DLGAP2: variants seen among roughly 807,000 people sequenced by gnomAD.
DLGAP2 encodes the protein disks large-associated protein 2.
DLGAP2 carries 26 observed loss-of-function variants against 100.3 expected under a neutral mutation model. That is an observed-to-expected ratio of 0.26 (90% confidence interval 0.19 to 0.36). DLGAP2 has a LOEUF of 0.36. DLGAP2 is among the 10% of genes least tolerant of loss of function. The pLI, the probability that DLGAP2 is intolerant of heterozygous loss-of-function variation, is 1.00. For synonymous variants in DLGAP2, 886 were observed against 630.1 expected (o/e 1.41, Z -6.08); for missense variants, 1,858 against 1,453.2 (o/e 1.28, Z -4.53).
At chr8:1,183,583 G>A (rs960201769) in intron 2 of DLGAP2, among the ~76,000 whole-genome samples, 2 of 152,176 alleles carry the variant, frequency 1.3e-5, no homozygotes, top group Non-Finnish European at 2.9e-5. Context: ...TGTTGCACAT[G>A]CTGCCCGGGG....
intron 1 of DLGAP2, among the ~76,000 whole-genome samples, chr8:875,533 G>C (rs987531620): frequency 6.6e-6 from 1 of 152,160 alleles, no homozygotes; most frequent in African/African-American, 2.4e-5. Context: ...ATGTGAAGAA[G>C]GATGTGTTTG....
At chr8:919,542 A>C (rs1040440167) in intron 2 of DLGAP2, among the ~76,000 whole-genome samples, 1 of 152,148 alleles carries the variant, frequency 6.6e-6, no homozygotes, top group Non-Finnish European at 1.5e-5. Context: ...CACCCAGTTA[A>C]CATCAGGTTG....
At chr8:1,485,276 T>C (rs1297408866) in intron 3 of DLGAP2, among the ~76,000 whole-genome samples, 1 of 152,236 alleles carries the variant, frequency 6.6e-6, no homozygotes, top group East Asian at 1.9e-4. Context: ...CACTCTACGC[T>C]GTAAAATGCA....
At chr8:1,367,263 AAC>A (rs1255747887) in intron 3 of DLGAP2, among the ~76,000 whole-genome samples, 10 of 152,242 alleles carry the variant, frequency 6.6e-5, no homozygotes, top group Admixed American at 3.9e-4. Context: ...TAGGTGACAT[AAC>A]ACAGAACATG....
At chr8:1,293,116 T>G (rs761297379) in intron 3 of DLGAP2, among the ~76,000 whole-genome samples, 2 of 152,174 alleles carry the variant, frequency 1.3e-5, no homozygotes, top group African/African-American at 2.4e-5. Context: ...GGGTCTGCAT[T>G]TTCAATCCTT....
intron 4 of DLGAP2, among the ~76,000 whole-genome samples, chr8:1,511,164 G>A (rs139255988): frequency 2.0e-5 from 3 of 151,724 alleles, no homozygotes; most frequent in African/African-American, 4.9e-5. Context: ...GCTGTCTAGT[G>A]TAGGACAATC....
At chr8:763,172 A>G (rs1821129465) in intron 1 of DLGAP2, among the ~76,000 whole-genome samples, 1 of 152,148 alleles carries the variant, frequency 6.6e-6, no homozygotes, top group African/African-American at 2.4e-5. Context: ...CGTGCCCTGG[A>G]AGGAGCACGG....
chr8:1,062,449 G>A (rs894270655), intron 2 of DLGAP2, among the ~76,000 whole-genome samples: 9 of 152,184 alleles, frequency 5.9e-5, no homozygotes, highest in African/African-American at 1.7e-4. Flanking sequence ...TGCGCTCGGC[G>A]TTTGGATGCT....
intron 6 of DLGAP2, among the ~76,000 whole-genome samples, chr8:1,572,554 T>C (rs1339188700): frequency 5.1e-5 from 4 of 79,176 alleles, no homozygotes; most frequent in African/African-American, 5.2e-5. Flanking sequence ...TCTGATGAGA[T>C]GGAGAGGAGA....
chr8:1,453,001 C>T (rs774756644), intron 3 of DLGAP2, among the ~76,000 whole-genome samples: 1 of 152,172 alleles, frequency 6.6e-6, no homozygotes, highest in Non-Finnish European at 1.5e-5. Flanking sequence ...GAGAAGTCCA[C>T]AATTCAAAGG....
At chr8:899,669 C>T (rs1798212292) in intron 1 of DLGAP2, among the ~76,000 whole-genome samples, 1 of 152,250 alleles carries the variant, frequency 6.6e-6, no homozygotes, top group Non-Finnish European at 1.5e-5. Flanking sequence ...CATCTCATCT[C>T]ATAGCTTGTA....
At chr8:1,088,999 G>A (rs1275880257) in intron 2 of DLGAP2, among the ~76,000 whole-genome samples, 1 of 87,512 alleles carries the variant, frequency 1.1e-5, no homozygotes, top group Non-Finnish European at 2.1e-5. Flanking sequence ...TGCCATTCTC[G>A]CTCCCCGGCC....
At chr8:1,503,752 GTTGGCC>G (rs1242428518) in intron 4 of DLGAP2, among the ~76,000 whole-genome samples, 1 of 152,180 alleles carries the variant, frequency 6.6e-6, no homozygotes, top group Non-Finnish European at 1.5e-5. Context: ...TGGGGTGGGG[GTTGGCC>G]ATTGTAAGAA....
intron 3 of DLGAP2, among the ~76,000 whole-genome samples, chr8:1,344,510 T>C (rs2117090266): frequency 6.6e-6 from 1 of 152,344 alleles, no homozygotes; most frequent in East Asian, 1.9e-4. Context: ...TCAGTTTCCC[T>C]ATCTGTAAAA....
intron 2 of DLGAP2, among the ~76,000 whole-genome samples, chr8:1,255,415 C>CTG (rs1238384674): frequency 1.5e-5 from 2 of 134,700 alleles, no homozygotes; most frequent in Non-Finnish European, 1.6e-5. Flanking sequence ...TGCCTGGGTG[C>CTG]TGTGTGTGTG....
intron 2 of DLGAP2, among the ~76,000 whole-genome samples, chr8:978,208 C>T (rs1800221758): frequency 1.8e-5 from 2 of 110,298 alleles, no homozygotes; most frequent in African/African-American, 3.1e-5. Context: ...GGGAGGGCGT[C>T]GGGGATGCAG....
At chr8:1,122,454 T>C (rs974099882) in intron 2 of DLGAP2, among the ~76,000 whole-genome samples, 2 of 152,202 alleles carry the variant, frequency 1.3e-5, no homozygotes, top group Non-Finnish European at 2.9e-5. Flanking sequence ...CATCCAGAGC[T>C]GAGGGGAACG....
chr8:796,405 T>C (rs1292553901), intron 1 of DLGAP2, among the ~76,000 whole-genome samples: 4 of 152,086 alleles, frequency 2.6e-5, no homozygotes, highest in African/African-American at 9.7e-5. Flanking sequence ...CCTCAGGATT[T>C]CCCTGCGACT....
intron 2 of DLGAP2, among the ~76,000 whole-genome samples, chr8:975,576 G>A (rs1048184786): frequency 6.6e-6 from 1 of 152,178 alleles, no homozygotes; most frequent in East Asian, 1.9e-4. Flanking sequence ...ATCCAGGTAT[G>A]CAAGGCTGGC....
Sources: gnomAD v4.1 joint callset for allele counts (sites outside exome capture counted in the v4.1 genomes callset) on GRCh38, gnomAD v4.1.1 for gene constraint, MANE v1.5 for transcripts, NCBI Gene and HGNC (gene_info 2026-07-23, HGNC 2026-07-21) for gene names.